RBM47: variants seen among roughly 807,000 people sequenced by gnomAD.
RBM47 encodes RNA binding motif protein 47.
In RBM47, 21 loss-of-function variants were observed where a neutral mutation model predicts 47.1. The observed-to-expected ratio is 0.45, with a 90% CI of 0.32 to 0.64. The LOEUF is 0.64. RBM47 is among the 30% of genes least tolerant of loss of function. The pLI is 0.05. For missense variants in RBM47, 708 were observed against 870.9 expected, an observed-to-expected ratio of 0.81 and a Z score of 2.35; for synonymous variants, 375 against 361.7, an observed-to-expected ratio of 1.04 and a Z score of -0.42.
At chr4:40,536,043 G>A (rs777504066) in intron 2 of RBM47, among the ~76,000 whole-genome samples, 1 of 152,214 alleles carries the variant, frequency 6.6e-6, no homozygotes, top group Non-Finnish European at 1.5e-5. Flanking sequence ...TTTGCTTGAG[G>A]TGTCACTTGT....
intron 2 of RBM47, chr4:40,543,175 T>C (rs571228213): frequency 3.3e-5 from 5 of 152,328 alleles, no homozygotes; most frequent in African/African-American, 1.2e-4. Flanking sequence ...ATCATGCCCA[T>C]TCTGTGGCAT....
chr4:40,585,856 C>T (rs1411012672), intron 1 of RBM47, among the ~76,000 whole-genome samples: 1 of 152,204 alleles, frequency 6.6e-6, no homozygotes, highest in African/African-American at 2.4e-5. Context: ...GCACTCTAGA[C>T]CTATGTGTTG....
chr4:40,609,577 T>C (rs1195308142), intron 1 of RBM47, among the ~76,000 whole-genome samples: 1 of 152,012 alleles, frequency 6.6e-6, no homozygotes, highest in East Asian at 1.9e-4. Flanking sequence ...CCTCCCAAAG[T>C]GCTGGGATTA....
At chr4:40,562,095 A>T (rs535998523) in intron 1 of RBM47, among the ~76,000 whole-genome samples, 60 of 152,304 alleles carry the variant, frequency 3.9e-4, no homozygotes, top group African/African-American at 1.4e-3. Context: ...CAATCCAGGA[A>T]ACATACCCCC....
intron 1 of RBM47, among the ~76,000 whole-genome samples, chr4:40,580,167 C>T (rs1732748009): frequency 6.6e-6 from 1 of 151,972 alleles, no homozygotes; most frequent in Admixed American, 6.6e-5. Flanking sequence ...GTTTAGTTAG[C>T]AAAGTCAAAT....
chr4:40,620,812 G>T (rs921951861), intron 1 of RBM47, among the ~76,000 whole-genome samples: 1 of 152,044 alleles, frequency 6.6e-6, no homozygotes, highest in Non-Finnish European at 1.5e-5. Context: ...GGGATTACAG[G>T]CGTGAGCCAC....
At chr4:40,518,578 C>T (rs912099394) in intron 2 of RBM47, among the ~76,000 whole-genome samples, 1 of 152,038 alleles carries the variant, frequency 6.6e-6, no homozygotes, top group African/African-American at 2.4e-5. Context: ...AGAGGCTGCC[C>T]AAGGATACAC....
chr4:40,517,270 G>GATTA (rs1725693774), intron 2 of RBM47, among the ~76,000 whole-genome samples: 1 of 152,112 alleles, frequency 6.6e-6, no homozygotes, highest in Non-Finnish European at 1.5e-5. Flanking sequence ...GCGTAGCTGG[G>GATTA]ATTATAGTCA....
intron 1 of RBM47, among the ~76,000 whole-genome samples, chr4:40,567,637 A>G (rs1731225526): frequency 6.6e-6 from 1 of 152,058 alleles, no homozygotes; most frequent in Non-Finnish European, 1.5e-5. Context: ...AATGGTTTAT[A>G]GCACAACATA....
chr4:40,505,999 G>A (rs767130080), intron 2 of RBM47, among the ~76,000 whole-genome samples: 3 of 152,192 alleles, frequency 2.0e-5, no homozygotes, highest in Non-Finnish European at 2.9e-5. Flanking sequence ...TGGGGGTTGG[G>A]TGGGCAGTGA....
intron 2 of RBM47, among the ~76,000 whole-genome samples, chr4:40,521,111 A>T (rs996879356): frequency 5.3e-5 from 8 of 151,734 alleles, no homozygotes; most frequent in Non-Finnish European, 8.8e-5. Context: ...TTTAAAGCCA[A>T]TTTTCCTTAA....
intron 3 of RBM47, 55 bp from the exon 4 acceptor site, chr4:40,438,979 G>A: frequency 7.1e-7 from 1 of 1,409,226 alleles, no homozygotes; most frequent in Non-Finnish European, 9.3e-7. Flanking sequence ...GCCTCTTTTG[G>A]GTTGTGTTTC....
chr4:40,509,768 C>A (rs1184536582), intron 2 of RBM47, among the ~76,000 whole-genome samples: 2 of 151,864 alleles, frequency 1.3e-5, no homozygotes, highest in Admixed American at 1.3e-4. Flanking sequence ...CGCCTGTAGT[C>A]CTAGCTACTG....
chr4:40,508,644 C>T (rs924482726), intron 2 of RBM47, among the ~76,000 whole-genome samples: 1 of 152,060 alleles, frequency 6.6e-6, no homozygotes, highest in Admixed American at 6.6e-5. Context: ...TAAGAATAGC[C>T]AAAGGTAATC....
intron 1 of RBM47, among the ~76,000 whole-genome samples, chr4:40,579,744 G>A (rs1298749188): frequency 1.2e-5 from 1 of 83,260 alleles, no homozygotes; most frequent in Non-Finnish European, 2.3e-5. Flanking sequence ...GTAAACTTTA[G>A]GGTAATTTTT....
Position 40,438,221 on chromosome 4 carries a change from G to C in RBM47, c.673C>G (p.Gln225Glu), listed in dbSNP as rs1351391975. 1 of 1,605,736 alleles carries C rather than the reference G, an allele frequency of 6.2e-7. No homozygotes were observed. The highest frequency in any genetic ancestry group is 1.7e-5 in the Admixed American group (1 of 60,024). ...MPGRIQLWGH[Q>E]IAVDWAEPEI... ...GGTTCGGCCCAGTCCACGGCGATCT[G>C]GTGGCCCCACAGCTGGATGCGGCCA... Residue 225 changes from glutamine to glutamate, a missense_variant, in exon 4 of 7, where the codon CAG (glutamine) becomes GAG (glutamate). Coordinates refer to ENST00000295971, the MANE Select transcript of RBM47 (RefSeq NM_001098634.2).
chr4:40,614,316 T>C (rs1320115770), intron 1 of RBM47, among the ~76,000 whole-genome samples: 2 of 151,954 alleles, frequency 1.3e-5, no homozygotes, highest in African/African-American at 4.8e-5. Context: ...TAAAAAGAAT[T>C]AGAGAAAATT....
chr4:40,463,736 G>A (rs1186888892), intron 3 of RBM47, among the ~76,000 whole-genome samples: 1 of 150,336 alleles, frequency 6.7e-6, no homozygotes, highest in Non-Finnish European at 1.5e-5. Context: ...GTGCAAAAGT[G>A]ATTGCAGTTT....
At chr4:40,441,266 A>T (rs1209594592) in intron 3 of RBM47, among the ~76,000 whole-genome samples, 2 of 77,860 alleles carry the variant, frequency 2.6e-5, no homozygotes, top group Non-Finnish European at 8.1e-5. Context: ...CTCCACAAAA[A>T]AAGGAACCAA....
Sources: allele counts gnomAD v4.1 joint callset (sites outside exome capture counted in the v4.1 genomes callset), GRCh38; gene constraint gnomAD v4.1.1; transcripts MANE v1.5; gene names NCBI Gene and HGNC (gene_info 2026-07-23, HGNC 2026-07-21).